LRFN5: variants seen among roughly 807,000 people sequenced by gnomAD.
LRFN5 encodes the protein leucine-rich repeat and fibronectin type-III domain-containing protein 5.
A neutral mutation model predicts 45.6 loss-of-function variants in LRFN5; 24 were observed. That is an observed-to-expected ratio of 0.53 (90% confidence interval 0.38 to 0.74). The LOEUF (loss-of-function observed/expected upper bound fraction) is 0.74, where lower values mean the gene tolerates loss of function less well. LRFN5 is among the 30% of genes least tolerant of loss of function. The probability of loss-of-function intolerance (pLI) is 0.00; values close to 1 mark genes in which losing one functional copy is unlikely to be tolerated. For missense variants in LRFN5, 776 were observed against 861.5 expected (o/e 0.90, Z 1.24); for synonymous variants, 340 against 313.8 (o/e 1.08, Z -0.88).
At chr14:41,755,764 C>A (rs1227244046) in intron 1 of LRFN5, among the ~76,000 whole-genome samples, 4 of 152,108 alleles carry the variant, frequency 2.6e-5, no homozygotes, top group Non-Finnish European at 5.9e-5. Flanking sequence ...ATCCCATTTA[C>A]CTTTAAGGTT....
chr14:41,755,056 T>G (rs1885311832), intron 1 of LRFN5, among the ~76,000 whole-genome samples: 1 of 152,208 alleles, frequency 6.6e-6, no homozygotes, highest in Non-Finnish European at 1.5e-5. Flanking sequence ...TTGTTCAGTT[T>G]CCATGTAGTT....
chr14:41,705,939 G>C (rs1022674971), intron 1 of LRFN5, among the ~76,000 whole-genome samples: 1 of 152,030 alleles, frequency 6.6e-6, no homozygotes, highest in Admixed American at 6.6e-5. Flanking sequence ...ATACCTTGTG[G>C]AAATCCTGCC....
chr14:41,734,316 T>TTATATACATATATATATATATATA (rs1884316906), intron 1 of LRFN5, among the ~76,000 whole-genome samples: 1 of 38,798 alleles, frequency 2.6e-5, no homozygotes, highest in African/African-American at 5.3e-5. Flanking sequence ...TGGACTGGTT[T>TTATATACATATATATATATATATA]TATATATATA....
At chr14:41,863,783 A>G (rs934420657) in intron 2 of LRFN5, among the ~76,000 whole-genome samples, 1 of 152,104 alleles carries the variant, frequency 6.6e-6, no homozygotes, top group Non-Finnish European at 1.5e-5. Context: ...TTCTGCACCC[A>G]TCAAACTGTC....
At chr14:41,612,574 G>A (rs1887793006) in intron 1 of LRFN5, among the ~76,000 whole-genome samples, 1 of 152,112 alleles carries the variant, frequency 6.6e-6, no homozygotes, top group Non-Finnish European at 1.5e-5. Flanking sequence ...TCATTCCAAT[G>A]ACACACATGT....
intron 1 of LRFN5, among the ~76,000 whole-genome samples, chr14:41,751,258 C>A (rs981617841): frequency 6.6e-6 from 1 of 152,004 alleles, no homozygotes; most frequent in African/African-American, 2.4e-5. Flanking sequence ...AGAAGAAAAT[C>A]AAATTATGCT....
At chr14:41,694,458 T>C (rs1475396744) in intron 1 of LRFN5, among the ~76,000 whole-genome samples, 1 of 151,948 alleles carries the variant, frequency 6.6e-6, no homozygotes, top group Non-Finnish European at 1.5e-5. Flanking sequence ...TTCTGTGCCT[T>C]CCTTATTTCA....
At chr14:41,674,403 C>G (rs925068839) in intron 1 of LRFN5, among the ~76,000 whole-genome samples, 3 of 129,886 alleles carry the variant, frequency 2.3e-5, no homozygotes, top group African/African-American at 8.9e-5. Context: ...CCCTCCCGGA[C>G]GGGGCGGCTG....
At chr14:41,617,736 G>A (rs963127655) in intron 1 of LRFN5, among the ~76,000 whole-genome samples, 1 of 152,106 alleles carries the variant, frequency 6.6e-6, no homozygotes, top group Non-Finnish European at 1.5e-5. Context: ...TGGGTGATTT[G>A]CCCTCTTTAA....
intron 2 of LRFN5, among the ~76,000 whole-genome samples, chr14:41,865,268 C>T (rs1889800397): frequency 6.6e-6 from 1 of 152,154 alleles, no homozygotes; most frequent in Non-Finnish European, 1.5e-5. Context: ...CACCACTCTA[C>T]TTTCCATCTC....
intron 1 of LRFN5, among the ~76,000 whole-genome samples, chr14:41,636,140 C>T (rs908561539): frequency 1.3e-5 from 2 of 152,002 alleles, no homozygotes; most frequent in African/African-American, 4.8e-5. Flanking sequence ...TTGGAACTTA[C>T]GAGTATAATC....
chr14:41,650,266 C>CAAAAAAA (rs10654457), intron 1 of LRFN5, among the ~76,000 whole-genome samples: 2 of 135,530 alleles, frequency 1.5e-5, no homozygotes, highest in East Asian at 2.5e-4. Flanking sequence ...CACACACACA[C>CAAAAAAA]AAAAAAAAAA....
At chr14:41,760,574 A>G (rs1885618272) in intron 1 of LRFN5, among the ~76,000 whole-genome samples, 1 of 152,152 alleles carries the variant, frequency 6.6e-6, no homozygotes, top group Non-Finnish European at 1.5e-5. Flanking sequence ...TTGAAATTCT[A>G]CTGAATTGGG....
At chr14:41,836,209 C>A (rs146122784) in intron 2 of LRFN5, among the ~76,000 whole-genome samples, 1 of 152,122 alleles carries the variant, frequency 6.6e-6, no homozygotes, top group Non-Finnish European at 1.5e-5. Flanking sequence ...TAAATTGTCA[C>A]GCTTCCACTA....
At position 41,742,379 on chromosome 14, in the gene LRFN5, T is replaced by C. The variant is rs554778136; in HGVS notation, c.-196-24475T>C. ...ATATACAGCCATAAAAATAAGGAAA[T>C]TTTTTTCATTCACAACATGGCTGGA... On this transcript the variant is annotated intron_variant, in intron 1 of 5. Transcript: ENST00000298119. Among the ~76,000 whole-genome samples the C allele has an allele frequency of 5.4e-5, 8 of 148,800 alleles. No homozygotes were observed. The East Asian group carries it at 1.6e-3, about 30-fold the overall frequency.
chr14:41,781,657 GAA>G (rs1886528027), intron 2 of LRFN5, among the ~76,000 whole-genome samples: 1 of 146,212 alleles, frequency 6.8e-6, no homozygotes, highest in African/African-American at 2.5e-5. Context: ...GAGAAAGAAA[GAA>G]AGAAAGGAAA....
chr14:41,707,864 T>C (rs1883130383), intron 1 of LRFN5, among the ~76,000 whole-genome samples: 1 of 152,090 alleles, frequency 6.6e-6, no homozygotes, highest in Admixed American at 6.6e-5. Context: ...TAACTGTTAA[T>C]TCTTTTACAC....
intron 2 of LRFN5, among the ~76,000 whole-genome samples, chr14:41,863,885 C>A (rs1430925223): frequency 6.6e-6 from 1 of 151,974 alleles, no homozygotes; most frequent in East Asian, 1.9e-4. Context: ...TCCCTGTGTC[C>A]TTGTGTTATC....
Position 41,886,937 on chromosome 14 carries a change from G to A in LRFN5, c.312G>A (p.Leu104=), listed in dbSNP as rs752041797. ...CTGACCTACGAAATTTGAGGGCTTT[G>A]CATTTGAATAGCAACAGATTGACTA... is the stretch of plus-strand genomic sequence containing the variant. ...AFADLRNLRA[L]HLNSNRLTKI... Residue 104 remains leucine (L), a synonymous_variant, in exon 3 of 6, where the codon TTG becomes TTA. Transcript: ENST00000298119. The A allele has an allele frequency of 1.9e-6, 3 of 1,614,056 alleles. No homozygotes were observed. The highest frequency in any genetic ancestry group is 1.3e-5 in the African/African-American group (1 of 74,920).
Sources: gnomAD v4.1 joint callset for allele counts (sites outside exome capture counted in the v4.1 genomes callset) on GRCh38, gnomAD v4.1.1 for gene constraint, MANE v1.5 for transcripts, NCBI Gene and HGNC (gene_info 2026-07-23, HGNC 2026-07-21) for gene names.